Variants in USP30 observed in about 807,000 individuals in gnomAD.
USP30 encodes the protein ubiquitin specific peptidase 30, also known as ubiquitin carboxyl-terminal hydrolase 30.
Under a neutral mutation model 68.2 loss-of-function variants are expected in USP30, and 41 were observed. The ratio of observed to expected loss-of-function variants is 0.60; its 90% CI spans 0.47 to 0.78. USP30 has a LOEUF of 0.78. Ranked by LOEUF, USP30 falls within the 30% of genes least tolerant of loss-of-function variation. The pLI is 0.00. For missense variants in USP30, 522 were observed against 649.4 expected (o/e 0.80, Z 2.13); for synonymous variants, 229 against 253.7 (o/e 0.90, Z 0.93).
Position 109,070,043 on chromosome 12 carries a change from G to A in USP30, c.481-1569G>A, listed in dbSNP as rs10850717. On this transcript the variant is annotated intron_variant, in intron 4 of 12. Transcript: ENST00000257548. This position sits in a 1 kb window ranked among gnomAD's most constrained non-coding sequence, Gnocchi z 4.0. Reference sequence around the variant, plus strand: ...GAGCAGATTGTGCAGGGACTAGGAGGCTGCGGGCGGCATCAGCTTCTATTG... The same window carrying A: ...GAGCAGATTGTGCAGGGACTAGGAGACTGCGGGCGGCATCAGCTTCTATTG... Among the ~76,000 whole-genome samples the A allele has an allele frequency of 6.6e-6, 1 of 151,978 alleles. No homozygotes were observed. Among genetic ancestry groups the A allele is most frequent in the African/African-American group, 2.4e-5 (1 of 41,344 alleles).
chr12:109,033,828 G>T (rs1211075025), intron 3 of USP30, among the ~76,000 whole-genome samples: 2 of 152,174 alleles, frequency 1.3e-5, no homozygotes, highest in South Asian at 2.1e-4. Flanking sequence ...ATAATGTAAA[G>T]GTGCACAACT....
Position 109,085,771 on chromosome 12 carries a change from A to G in USP30, c.1394A>G (p.Asn465Ser). 1 of 1,613,876 alleles carries G rather than the reference A, an allele frequency of 6.2e-7. No homozygotes were observed. Among genetic ancestry groups the G allele is most frequent in the Non-Finnish European group, 8.5e-7 (1 of 1,179,974 alleles). The change falls in exon 13 of 13, where the codon AAC becomes AGC. Residue 465 changes from asparagine to serine, a missense_variant. By Grantham distance (46) the Asn-to-Ser change is conservative. Coordinates refer to ENST00000257548, the MANE Select transcript of USP30 (RefSeq NM_032663.5). ...CGACGGTCCCCACCTTCTGCCAGGA[A>G]CCCTCTCTCAACTAGCAATCAGTGG... is the stretch of plus-strand genomic sequence containing the variant. ...TYRRSPPSAR[N>S]PLSTSNQWLW...
At position 109,086,034 on chromosome 12, in the gene USP30, C is replaced by T; in HGVS notation, c.*103C>T. On this transcript the variant is annotated 3_prime_UTR_variant, in exon 13 of 13. Transcript: ENST00000257548. ...GTGCAAGCGGCCCCACTAGAGCCTTCCAGCCTTCTGGTGTGTTCTAAGAGC... is the reference window on the plus strand; with the variant it reads ...GTGCAAGCGGCCCCACTAGAGCCTTTCAGCCTTCTGGTGTGTTCTAAGAGC... The T allele has an allele frequency of 6.8e-7, 1 of 1,461,256 alleles. No individual in the cohort carries two copies. Among genetic ancestry groups the T allele is most frequent in the Non-Finnish European group, 9.1e-7 (1 of 1,099,860 alleles). 90.5% of individuals were successfully genotyped at this position (1,461,256 alleles called of 1,614,324 possible).
At chr12:109,062,993 TA>T (rs1358130859) in intron 3 of USP30, among the ~76,000 whole-genome samples, 16 of 152,334 alleles carry the variant, frequency 1.1e-4, no homozygotes, top group African/African-American at 3.8e-4. Context: ...CGGACTCATA[TA>T]ATATTCACCC....
chr12:109,083,146 A>C, intron 11 of USP30, 84 bp downstream of exon 11: 3 of 1,359,570 alleles, frequency 2.2e-6, no homozygotes, highest in Non-Finnish European at 3.0e-6. Flanking sequence ...TGGGTCCCTT[A>C]TGACAGGAGC....
chr12:109,032,699 T>C (rs988797175), intron 3 of USP30, among the ~76,000 whole-genome samples: 3 of 152,168 alleles, frequency 2.0e-5, no homozygotes, highest in Admixed American at 6.5e-5. Context: ...ACGACTCTTT[T>C]AGAAGGGACA....
intron 7 of USP30, among the ~76,000 whole-genome samples, chr12:109,078,293 G>A (rs371013818): frequency 6.6e-5 from 10 of 151,972 alleles, no homozygotes; most frequent in Non-Finnish European, 7.4e-5. Context: ...GCCTGGTGGC[G>A]GGCGTCTGTA....
At position 109,040,713 on chromosome 12, in the gene USP30, A is replaced by G. The variant is rs533202923; in HGVS notation, c.-135-6877A>G. ...TGGCAGAAGGCCTCAGTTCCTTGCC[A>G]CATGGACCTCTCCATAATGCTGCCT... On this transcript the variant is annotated intron_variant, in intron 3 of 15. Coordinates refer to the USP30 transcript ENST00000392784. Among the ~76,000 whole-genome samples the G allele has an allele frequency of 1.7e-4, 26 of 152,356 alleles. No homozygotes were observed. In the South Asian group the frequency reaches 4.6e-3, roughly 27 times the overall value.
Position 109,044,704 on chromosome 12 carries a change from TA to T in USP30, c.-135-2877del, listed in dbSNP as rs370250597. On this transcript the variant is annotated intron_variant, in intron 3 of 15. Transcript: ENST00000392784. ...TTATGTTATATGTACTTTGCCACAA[TA>T]AAAAAAAATGGAAAAATCCTCTCAA... is the stretch of plus-strand genomic sequence containing the variant. Among the ~76,000 whole-genome samples, 278 of 151,018 alleles carry T rather than the reference TA, an allele frequency of 1.8e-3. 3 individuals are homozygous for T. The highest frequency in any genetic ancestry group is 6.3e-3 in the African/African-American group (260 of 41,288).
chr12:109,049,075 G>A (rs2040634423), upstream of USP30, among the ~76,000 whole-genome samples: 1 of 152,136 alleles, frequency 6.6e-6, no homozygotes, highest in Admixed American at 6.5e-5. Flanking sequence ...AGTTGGCGGG[G>A]CTTAGGATTT....
In USP30 at chr12:109,063,736, A is replaced by C. The variant is rs2041154021; in HGVS notation, c.377-3788A>C. ...TGTTTTTATTGATAGTAGCCATCCT[A>C]ATGGTATGGTAATTGCTTTAATTTG... On this transcript the variant is annotated intron_variant, in intron 3 of 12. Transcript: ENST00000257548. Among the ~76,000 whole-genome samples the C allele has an allele frequency of 2.0e-5, 3 of 152,166 alleles. No homozygotes were observed. In the South Asian group the frequency reaches 6.2e-4, roughly 31 times the overall value.
At chr12:109,074,114 TG>T (rs2041525016) in intron 7 of USP30, among the ~76,000 whole-genome samples, 1 of 152,202 alleles carries the variant, frequency 6.6e-6, no homozygotes, top group South Asian at 2.1e-4. Context: ...TTCATATAAA[TG>T]GAATCATGTA....
chr12:109,064,863 G>T (rs1044227083), intron 3 of USP30, among the ~76,000 whole-genome samples: 4 of 151,814 alleles, frequency 2.6e-5, no homozygotes, highest in African/African-American at 9.7e-5. Context: ...TTTCCTTTGG[G>T]GGGTAGTTGG....
At position 109,039,988 on chromosome 12, in the gene USP30, G is replaced by C. The variant is rs971265325; in HGVS notation, c.-135-7602G>C. Among the ~76,000 whole-genome samples, 4 of 152,080 alleles carry C rather than the reference G, an allele frequency of 2.6e-5. No homozygotes were observed. The South Asian group carries it at 6.2e-4, about 24-fold the overall frequency. On this transcript the variant is annotated intron_variant, in intron 3 of 15. Transcript: ENST00000392784. Reference sequence around the variant, plus strand: ...CTCTGAATGTAATCAAGATGACTTGGGGTGATATATGATATAAATATTTAT... The same window carrying C: ...CTCTGAATGTAATCAAGATGACTTGCGGTGATATATGATATAAATATTTAT...
chr12:109,055,383 T>TAC (rs2040819074), intron 1 of USP30, among the ~76,000 whole-genome samples: 1 of 46,270 alleles, frequency 2.2e-5, no homozygotes, highest in African/African-American at 8.2e-5. Flanking sequence ...TATATACATA[T>TAC]ATATATATAT....
At chr12:109,081,241 A>G in intron 7 of USP30, 93 bp from the exon 8 acceptor site, 2 of 1,190,114 alleles carry the variant, frequency 1.7e-6, no homozygotes, top group Non-Finnish European at 2.5e-6. Context: ...GGGCATCTCA[A>G]TATTAAACTG....
At chr12:109,039,490 A>C (rs1395840374) in intron 3 of USP30, among the ~76,000 whole-genome samples, 1 of 152,164 alleles carries the variant, frequency 6.6e-6, no homozygotes, top group African/African-American at 2.4e-5. Flanking sequence ...ATCTTACCCT[A>C]TCTGCTGCCC....
At chr12:109,051,706 A>G, upstream of USP30, among the ~76,000 whole-genome samples, 1 of 151,196 alleles carries the variant, frequency 6.6e-6, no homozygotes. Context: ...AGTAGCTGGA[A>G]TTACAGGAGC....
intron 3 of USP30, among the ~76,000 whole-genome samples, chr12:109,041,017 T>G (rs2040560812): frequency 6.6e-6 from 1 of 152,104 alleles, no homozygotes; most frequent in Non-Finnish European, 1.5e-5. Flanking sequence ...TACCAGGAAA[T>G]GGGGTGTCTG....
Sources: allele counts gnomAD v4.1 joint callset (sites outside exome capture counted in the v4.1 genomes callset), GRCh38; gene constraint gnomAD v4.1.1; non-coding constraint Gnocchi (gnomAD v3.1); transcripts MANE v1.5; gene names NCBI Gene and HGNC (gene_info 2026-07-23, HGNC 2026-07-21).